Variants in GABRB2 observed in about 807,000 individuals in gnomAD.
GABRB2 encodes gamma-aminobutyric acid type A receptor subunit beta2.
A neutral mutation model predicts 54.7 loss-of-function variants in GABRB2; 16 were observed. The ratio of observed to expected loss-of-function variants is 0.29; its 90% CI spans 0.20 to 0.44. The LOEUF (loss-of-function observed/expected upper bound fraction) is 0.44, where lower values mean the gene tolerates loss of function less well. Ranked by LOEUF, GABRB2 falls within the 20% of genes least tolerant of loss-of-function variation. GABRB2 has a pLI of 1.00. For missense variants in GABRB2, 355 were observed against 644.0 expected (o/e 0.55, Z 4.86); for synonymous variants, 244 against 233.8 (o/e 1.04, Z -0.40).
At position 161,293,794 on chromosome 5, in the gene GABRB2, T is replaced by C. The variant is rs1757299695; in HGVS notation, c.*287A>G. On this transcript the variant is annotated 3_prime_UTR_variant, in exon 10 of 10. Coordinates refer to ENST00000393959, the MANE Select transcript of GABRB2 (RefSeq NM_001371727.1). ...AAGAATATCTTCCAAATTATTCCCC[T>C]CTGAGTAGGCTGCATACTAAACAGA... is the stretch of plus-strand genomic sequence containing the variant. 5.6e-6 allele frequency: 2 copies of C among 358,666 alleles called. No homozygotes were observed. The highest frequency in any genetic ancestry group is 1.0e-4 in the South Asian group (2 of 19,616). The allele number at this position is 358,666 out of a possible 1,614,324, so 22.2% of individuals were successfully genotyped here.
intron 3 of GABRB2, among the ~76,000 whole-genome samples, chr5:161,502,467 T>C (rs1759478212): frequency 6.6e-6 from 1 of 152,160 alleles, no homozygotes; most frequent in Admixed American, 6.6e-5. Context: ...AACTTCTGGT[T>C]CTGACTATGA....
At chr5:161,373,533 A>C (rs1269774804) in intron 5 of GABRB2, among the ~76,000 whole-genome samples, 1 of 152,202 alleles carries the variant, frequency 6.6e-6, no homozygotes, top group Non-Finnish European at 1.5e-5. Context: ...ACTGTGTACC[A>C]ACCCTTTCTA....
intron 9 of GABRB2, among the ~76,000 whole-genome samples, chr5:161,301,177 T>G (rs972135866): frequency 6.6e-6 from 1 of 152,156 alleles, no homozygotes. Flanking sequence ...ACTATACAAC[T>G]GCATTCTCAA....
chr5:161,362,559 C>T (rs567090167), intron 5 of GABRB2, among the ~76,000 whole-genome samples: 3 of 152,206 alleles, frequency 2.0e-5, no homozygotes, highest in African/African-American at 7.2e-5. Flanking sequence ...AGCTTCTGCA[C>T]AGCAAAAGAA....
intron 4 of GABRB2, among the ~76,000 whole-genome samples, chr5:161,422,441 G>A (rs1339839734): frequency 6.6e-6 from 1 of 152,094 alleles, no homozygotes; most frequent in African/African-American, 2.4e-5. Flanking sequence ...TAAGAAGAGT[G>A]AGGACATAGG....
chr5:161,526,285 T>C (rs1470153112), intron 3 of GABRB2, among the ~76,000 whole-genome samples: 6 of 151,384 alleles, frequency 4.0e-5, no homozygotes, highest in Admixed American at 6.6e-5. Context: ...TAGACTACCA[T>C]AGTGGGAGAG....
At chr5:161,359,701 G>A (rs948371559) in intron 5 of GABRB2, among the ~76,000 whole-genome samples, 2 of 152,152 alleles carry the variant, frequency 1.3e-5, no homozygotes, top group African/African-American at 2.4e-5. Context: ...TTTATAAACT[G>A]TTGATAACTG....
intron 4 of GABRB2, among the ~76,000 whole-genome samples, chr5:161,425,661 G>GA (rs556000853): frequency 6.6e-6 from 1 of 151,846 alleles, no homozygotes; most frequent in Non-Finnish European, 1.5e-5. Context: ...AGTGGTCTAG[G>GA]AAAAAAACCT....
chr5:161,535,440 G>A, intron 3 of GABRB2, among the ~76,000 whole-genome samples: 1 of 151,938 alleles, frequency 6.6e-6, no homozygotes, highest in East Asian at 1.9e-4. Context: ...TCCACCAACT[G>A]TTTCCAAAAA....
chr5:161,478,639 A>G (rs1407050888), intron 3 of GABRB2, among the ~76,000 whole-genome samples: 1 of 152,056 alleles, frequency 6.6e-6, no homozygotes, highest in Non-Finnish European at 1.5e-5. Context: ...GATTGGGAAG[A>G]CAAACTGATA....
chr5:161,439,185 G>T (rs1031341062), intron 4 of GABRB2, among the ~76,000 whole-genome samples: 2 of 152,122 alleles, frequency 1.3e-5, no homozygotes, highest in African/African-American at 2.4e-5. Context: ...ATGACACTCC[G>T]ATATGTCTGG....
chr5:161,415,676 T>C (rs1201932717), intron 4 of GABRB2, among the ~76,000 whole-genome samples: 1 of 152,152 alleles, frequency 6.6e-6, no homozygotes, highest in Non-Finnish European at 1.5e-5. Context: ...AAAGTGATGC[T>C]ATCTCAGCTC....
At chr5:161,369,064 T>G (rs1273348784) in intron 5 of GABRB2, among the ~76,000 whole-genome samples, 2 of 152,210 alleles carry the variant, frequency 1.3e-5, no homozygotes, top group African/African-American at 4.8e-5. Flanking sequence ...GTAATGCCTA[T>G]GGGCCCCACC....
intron 9 of GABRB2, among the ~76,000 whole-genome samples, chr5:161,308,494 G>A (rs1757766530): frequency 6.6e-6 from 1 of 152,094 alleles, no homozygotes; most frequent in Non-Finnish European, 1.5e-5. Flanking sequence ...CTCAGAACTA[G>A]AAAAAACTAT....
At chr5:161,526,219 C>T (rs1169153448) in intron 3 of GABRB2, among the ~76,000 whole-genome samples, 6 of 151,392 alleles carry the variant, frequency 4.0e-5, no homozygotes, top group Non-Finnish European at 8.9e-5. Context: ...AAAAATTGTT[C>T]GGTAAAGTAG....
intron 3 of GABRB2, among the ~76,000 whole-genome samples, chr5:161,489,500 G>A (rs897319943): frequency 1.3e-5 from 2 of 151,580 alleles, no homozygotes; most frequent in African/African-American, 4.8e-5. Flanking sequence ...ATTTGTTAAG[G>A]TCACACTGGT....
chr5:161,296,857 T>C (rs1416376816), intron 9 of GABRB2, among the ~76,000 whole-genome samples: 1 of 152,140 alleles, frequency 6.6e-6, no homozygotes, highest in Non-Finnish European at 1.5e-5. Flanking sequence ...CCTGGAAAAA[T>C]TACCTAATCC....
chr5:161,528,251 T>A (rs1760343193), intron 3 of GABRB2, among the ~76,000 whole-genome samples: 1 of 151,844 alleles, frequency 6.6e-6, no homozygotes, highest in Non-Finnish European at 1.5e-5. Context: ...AGTCTGAAGA[T>A]ACTGTGATCG....
chr5:161,382,283 G>A (rs1040830780), intron 5 of GABRB2, among the ~76,000 whole-genome samples: 3 of 152,142 alleles, frequency 2.0e-5, no homozygotes, highest in Admixed American at 6.5e-5. Flanking sequence ...AGAGCATGTC[G>A]TTATGGACTA....
Sources: allele counts gnomAD v4.1 joint callset (sites outside exome capture counted in the v4.1 genomes callset), GRCh38; gene constraint gnomAD v4.1.1; transcripts MANE v1.5; gene names NCBI Gene and HGNC (gene_info 2026-07-23, HGNC 2026-07-21).